SGCZ: variants seen among roughly 807,000 people sequenced by gnomAD.
SGCZ encodes the protein zeta-sarcoglycan.
A neutral mutation model predicts 41.3 loss-of-function variants in SGCZ; 40 were observed. That is an observed-to-expected ratio of 0.97 (90% confidence interval 0.75 to 1.26). The LOEUF (loss-of-function observed/expected upper bound fraction) is 1.26, where lower values mean the gene tolerates loss of function less well. Ranked by LOEUF, SGCZ falls within the 50% of genes most tolerant of loss-of-function variation. The probability of loss-of-function intolerance (pLI) is 0.00; values close to 1 mark genes in which losing one functional copy is unlikely to be tolerated. For synonymous variants in SGCZ, 206 were observed against 137.5 expected, an observed-to-expected ratio of 1.50 and a Z score of -3.49; for missense variants, 552 against 369.8, an observed-to-expected ratio of 1.49 and a Z score of -4.04.
At chr8:14,558,408 C>G (rs554511758) in intron 1 of SGCZ, among the ~76,000 whole-genome samples, 1 of 152,152 alleles carries the variant, frequency 6.6e-6, no homozygotes, top group Middle Eastern at 3.4e-3. Context: ...AATCCCATCT[C>G]TACCAAAAAT....
chr8:14,817,468 A>T (rs573966523), intron 1 of SGCZ, among the ~76,000 whole-genome samples: 108 of 152,268 alleles, frequency 7.1e-4, no homozygotes, highest in South Asian at 2.1e-3. Context: ...CTTGCAACCT[A>T]AGCTGCTACA....
At chr8:14,821,633 G>C (rs1372329237) in intron 1 of SGCZ, among the ~76,000 whole-genome samples, 1 of 152,020 alleles carries the variant, frequency 6.6e-6, no homozygotes, top group Non-Finnish European at 1.5e-5. Flanking sequence ...AGGCGAACCT[G>C]ATTCTATGAT....
intron 1 of SGCZ, among the ~76,000 whole-genome samples, chr8:15,099,570 A>T (rs1239448919): frequency 1.3e-5 from 2 of 152,202 alleles, no homozygotes; most frequent in Non-Finnish European, 2.9e-5. Context: ...GGCTCTGCAA[A>T]AAATAATTGA....
intron 2 of SGCZ, among the ~76,000 whole-genome samples, chr8:14,417,650 G>A (rs1799530922): frequency 6.6e-6 from 1 of 151,664 alleles, no homozygotes; most frequent in South Asian, 2.1e-4. Context: ...TAACGATACA[G>A]CATGATGACT....
chr8:14,894,126 G>C lies in SGCZ; in HGVS notation c.40-339200C>G, dbSNP rs1307035761. ...GCTTTAATTAATGACATGCATCTGA[G>C]TTTTAAGATCTTAATATAAAATATT... On this transcript the variant is annotated intron_variant, in intron 1 of 7. Coordinates refer to ENST00000382080, the MANE Select transcript of SGCZ (RefSeq NM_139167.4). 2.4e-4 allele frequency among the ~76,000 whole-genome samples: 37 copies of C among 152,052 alleles called. 1 individual carries two copies. Among genetic ancestry groups the C allele is most frequent in the Non-Finnish European group, 2.9e-5 (2 of 67,996 alleles).
chr8:14,674,945 T>G (rs1428721890), intron 1 of SGCZ, among the ~76,000 whole-genome samples: 1 of 120,900 alleles, frequency 8.3e-6, no homozygotes, highest in Non-Finnish European at 1.6e-5. Context: ...TTTTTTTTTT[T>G]TTTTTTTTTT....
At chr8:14,348,899 T>C (rs1327295721) in intron 2 of SGCZ, among the ~76,000 whole-genome samples, 2 of 152,160 alleles carry the variant, frequency 1.3e-5, no homozygotes, top group African/African-American at 4.8e-5. Flanking sequence ...AAAACACTTT[T>C]AGGATCTCTA....
chr8:14,464,532 G>A (rs754756924), intron 2 of SGCZ, among the ~76,000 whole-genome samples: 1 of 141,558 alleles, frequency 7.1e-6, no homozygotes, highest in African/African-American at 2.6e-5. Flanking sequence ...CAGTTGTGTT[G>A]ATCTTTTCAA....
intron 4 of SGCZ, among the ~76,000 whole-genome samples, chr8:14,230,554 T>C (rs1011775170): frequency 6.6e-6 from 1 of 152,062 alleles, no homozygotes; most frequent in African/African-American, 2.4e-5. Flanking sequence ...ATGCCATTAA[T>C]TGGTGAAGTA....
chr8:15,069,895 A>G (rs1042831488), intron 1 of SGCZ, among the ~76,000 whole-genome samples: 1 of 152,066 alleles, frequency 6.6e-6, no homozygotes, highest in Non-Finnish European at 1.5e-5. Flanking sequence ...GTGTGTATGC[A>G]TATCTGTTTC....
At chr8:14,583,771 A>G (rs1804971257) in intron 1 of SGCZ, among the ~76,000 whole-genome samples, 1 of 152,120 alleles carries the variant, frequency 6.6e-6, no homozygotes, top group South Asian at 2.1e-4. Context: ...ATCAATAAGC[A>G]TGCCAATCAT....
At chr8:14,855,490 T>C (rs1803515863) in intron 1 of SGCZ, among the ~76,000 whole-genome samples, 1 of 152,186 alleles carries the variant, frequency 6.6e-6, no homozygotes, top group African/African-American at 2.4e-5. Context: ...ACTTGCAGGA[T>C]AGATTATAGT....
At chr8:14,927,041 A>G (rs1178207819) in intron 1 of SGCZ, among the ~76,000 whole-genome samples, 2 of 151,860 alleles carry the variant, frequency 1.3e-5, no homozygotes, top group Admixed American at 1.3e-4. Flanking sequence ...AGTATCAACT[A>G]CATTTTTATA....
At chr8:14,265,438 T>C (rs549514205) in intron 3 of SGCZ, among the ~76,000 whole-genome samples, 2 of 152,324 alleles carry the variant, frequency 1.3e-5, no homozygotes, top group African/African-American at 2.4e-5. Context: ...TGGATCTCTA[T>C]GTGTGATGCT....
intron 2 of SGCZ, among the ~76,000 whole-genome samples, chr8:14,533,081 G>T (rs904118062): frequency 3.3e-5 from 5 of 151,828 alleles, no homozygotes; most frequent in Admixed American, 3.3e-4. Context: ...TGCCATGTTG[G>T]TATGCTGCAC....
At chr8:14,993,794 G>A (rs1030224966) in intron 1 of SGCZ, among the ~76,000 whole-genome samples, 1 of 152,148 alleles carries the variant, frequency 6.6e-6, no homozygotes, top group African/African-American at 2.4e-5. Context: ...GTTAACAGAC[G>A]CAAGATAAGG....
At chr8:15,115,379 G>A (rs886346512) in intron 1 of SGCZ, among the ~76,000 whole-genome samples, 12 of 152,192 alleles carry the variant, frequency 7.9e-5, no homozygotes, top group African/African-American at 2.9e-4. Flanking sequence ...TTCCTATGAG[G>A]ACATGACTGT....
At chr8:14,960,304 A>T (rs1251909014) in intron 1 of SGCZ, among the ~76,000 whole-genome samples, 1 of 151,996 alleles carries the variant, frequency 6.6e-6, no homozygotes, top group Non-Finnish European at 1.5e-5. Context: ...TGGCTTGATT[A>T]TTTTATTGAT....
At chr8:15,212,750 G>A (rs960600218) in intron 1 of SGCZ, among the ~76,000 whole-genome samples, 14 of 151,960 alleles carry the variant, frequency 9.2e-5, no homozygotes, top group African/African-American at 2.4e-4. Context: ...CTACACAGCC[G>A]ATAAACATGA....
Sources: allele counts gnomAD v4.1 joint callset (sites outside exome capture counted in the v4.1 genomes callset), GRCh38; gene constraint gnomAD v4.1.1; transcripts MANE v1.5; gene names NCBI Gene and HGNC (gene_info 2026-07-23, HGNC 2026-07-21).